The following PACRG variants were observed in gnomAD, a reference collection of about 807,000 sequenced individuals.
PACRG encodes parkin coregulated.
PACRG carries 29 observed loss-of-function variants against 29.7 expected under a neutral mutation model. The observed-to-expected ratio is 0.98, with a 90% CI of 0.73 to 1.33. The LOEUF (loss-of-function observed/expected upper bound fraction) is 1.33, where lower values mean the gene tolerates loss of function less well. Ranked by LOEUF, PACRG falls within the 40% of genes most tolerant of loss-of-function variation. The pLI, the probability that PACRG is intolerant of heterozygous loss-of-function variation, is 0.00. For synonymous variants in PACRG, 116 were observed against 118.7 expected (o/e 0.98, Z 0.15); for missense variants, 279 against 316.2 (o/e 0.88, Z 0.89).
intron 4 of PACRG, among the ~76,000 whole-genome samples, chr6:163,193,618 A>G (rs991614700): frequency 2.0e-5 from 3 of 152,142 alleles, no homozygotes; most frequent in South Asian, 2.1e-4. Context: ...ACGTGAACAC[A>G]TGGGATTTCT....
chr6:163,139,765 C>T (rs1393563317), intron 4 of PACRG, among the ~76,000 whole-genome samples: 2 of 152,204 alleles, frequency 1.3e-5, no homozygotes, highest in African/African-American at 2.4e-5. Flanking sequence ...CTTCTGCCCC[C>T]ACCTAATAGA....
chr6:163,213,133 A>T (rs1386746510), intron 4 of PACRG, among the ~76,000 whole-genome samples: 1 of 152,200 alleles, frequency 6.6e-6, no homozygotes, highest in Non-Finnish European at 1.5e-5. Context: ...GAAATGGACA[A>T]ATTAAAAGCA....
At chr6:163,078,036 C>G (rs985250660) in intron 3 of PACRG, among the ~76,000 whole-genome samples, 1 of 152,172 alleles carries the variant, frequency 6.6e-6, no homozygotes, top group South Asian at 2.1e-4. Context: ...GTCCCTTTCC[C>G]ACTCTCAAAT....
chr6:162,872,943 G>A (rs1276368509), intron 2 of PACRG, among the ~76,000 whole-genome samples: 1 of 151,944 alleles, frequency 6.6e-6, no homozygotes, highest in African/African-American at 2.4e-5. Context: ...ATATCACTAG[G>A]TATCAGAATC....
At chr6:162,891,567 G>A (rs923427559) in intron 2 of PACRG, among the ~76,000 whole-genome samples, 3 of 152,100 alleles carry the variant, frequency 2.0e-5, no homozygotes, top group African/African-American at 7.2e-5. Context: ...CCACCCAGTG[G>A]GCAGAACTCA....
At position 162,777,537 on chromosome 6, in the gene PACRG, G is replaced by A. The variant is rs1192008189; in HGVS notation, c.157-36610G>A. 6.6e-6 allele frequency among the ~76,000 whole-genome samples: 1 copy of A among 152,150 alleles called. No individual in the cohort carries two copies. Among genetic ancestry groups the A allele is most frequent in the Admixed American group, 6.5e-5 (1 of 15,286 alleles). Reference sequence around the variant, plus strand: ...TGGTGAGATGTTGGATTTGGTCATGGTGCTATTTATTGTTATTATTAATTA... The same window carrying A: ...TGGTGAGATGTTGGATTTGGTCATGATGCTATTTATTGTTATTATTAATTA... On this transcript the variant is annotated intron_variant, in intron 1 of 4. Transcript: ENST00000366888. This position sits in a 1 kb window ranked among gnomAD's most constrained non-coding sequence, Gnocchi z 4.0.
At chr6:163,173,866 G>A (rs769942860) in intron 4 of PACRG, among the ~76,000 whole-genome samples, 5 of 152,140 alleles carry the variant, frequency 3.3e-5, no homozygotes, top group Non-Finnish European at 5.9e-5. Flanking sequence ...ATAGCCAAAG[G>A]CATCGCTCTG....
intron 4 of PACRG, among the ~76,000 whole-genome samples, chr6:163,166,934 G>T (rs1452198444): frequency 1.3e-5 from 2 of 152,126 alleles, no homozygotes; most frequent in African/African-American, 2.4e-5. Flanking sequence ...TCCAAAGAAA[G>T]AATCATAGAT....
chr6:163,313,184 G>T (rs912075996), intron 4 of PACRG, among the ~76,000 whole-genome samples: 3 of 151,848 alleles, frequency 2.0e-5, no homozygotes, highest in African/African-American at 7.3e-5. Context: ...AGCTTTACCT[G>T]TGACAGCACA....
intron 1 of PACRG, among the ~76,000 whole-genome samples, chr6:162,769,255 G>T (rs1360795464): frequency 1.3e-5 from 2 of 151,996 alleles, no homozygotes; most frequent in Non-Finnish European, 2.9e-5. Flanking sequence ...TCTAGACATA[G>T]CCAACTTTTC....
intron 4 of PACRG, among the ~76,000 whole-genome samples, chr6:163,235,374 C>A (rs1173326753): frequency 6.6e-6 from 1 of 152,200 alleles, no homozygotes; most frequent in Non-Finnish European, 1.5e-5. Context: ...TCAATTTCCC[C>A]ATTGTACGTA....
At chr6:163,257,464 C>G (rs972489618) in intron 4 of PACRG, among the ~76,000 whole-genome samples, 1 of 152,156 alleles carries the variant, frequency 6.6e-6, no homozygotes, top group Non-Finnish European at 1.5e-5. Context: ...ACAGAAGGAG[C>G]CGTTATTCAG....
Position 162,747,458 on chromosome 6 carries a change from AAATATATATGTAAAAC to A in PACRG, c.156+19068_156+19083del, listed in dbSNP as rs1225359046. 3.0e-4 allele frequency among the ~76,000 whole-genome samples: 29 copies of A among 97,232 alleles called. 2 individuals carry two copies. Among genetic ancestry groups the A allele is most frequent in the African/African-American group, 1.2e-3 (24 of 19,732 alleles). 63.8% of individuals were successfully genotyped at this position (97,232 alleles called of 152,430 possible). A position where few individuals can be genotyped will look rare whatever the true frequency, so the allele number is the denominator to read the frequency against. ...TAAAACTATATATATATATAACTAT[AAATATATATGTAAAAC>A]TATATATATATATATATATTCCATT... On this transcript the variant is annotated intron_variant, in intron 1 of 4. Coordinates refer to ENST00000366888, the MANE Select transcript of PACRG (RefSeq NM_001080379.2).
intron 4 of PACRG, among the ~76,000 whole-genome samples, chr6:163,293,365 C>G (rs1784681319): frequency 6.6e-6 from 1 of 152,198 alleles, no homozygotes; most frequent in Admixed American, 6.5e-5. Flanking sequence ...AGGCCCAAAG[C>G]CAGCCCTTAG....
chr6:162,945,442 C>A (rs1199459382), intron 2 of PACRG, among the ~76,000 whole-genome samples: 2 of 151,968 alleles, frequency 1.3e-5, no homozygotes, highest in East Asian at 3.9e-4. Context: ...ATCAATTCAA[C>A]AAGAGGGGTA....
chr6:163,080,667 G>A (rs985158926), intron 3 of PACRG, among the ~76,000 whole-genome samples: 26 of 152,120 alleles, frequency 1.7e-4, no homozygotes, highest in African/African-American at 5.6e-4. Context: ...GGAGAGAATG[G>A]CCAAACACTT....
intron 2 of PACRG, among the ~76,000 whole-genome samples, chr6:163,039,052 G>A (rs1808458183): frequency 6.6e-6 from 1 of 152,168 alleles, no homozygotes; most frequent in Non-Finnish European, 1.5e-5. Context: ...TGTGTCGAGG[G>A]AGGGACCTGG....
intron 2 of PACRG, among the ~76,000 whole-genome samples, chr6:162,965,649 A>G (rs749168769): frequency 1.3e-5 from 2 of 152,220 alleles, no homozygotes; most frequent in African/African-American, 2.4e-5. Flanking sequence ...AAGGAACACA[A>G]TCATTCAGAC....
rs576490699 is a variant in PACRG, at chr6:162,903,130, C to T, written c.291+88849C>T. On this transcript the variant is annotated intron_variant, in intron 2 of 4. Coordinates refer to ENST00000366888, the MANE Select transcript of PACRG (RefSeq NM_001080379.2). ...AGCTAGGTCCTGATAAAATTGGAAT[C>T]AGATTAAGGTGAATTTTTCTCCCAT... Among the ~76,000 whole-genome samples the T allele has an allele frequency of 3.3e-5, 5 of 152,168 alleles. No individual in the cohort carries two copies. The East Asian group carries it at 9.7e-4, about 29-fold the overall frequency.
Sources: gnomAD v4.1 joint callset for allele counts (sites outside exome capture counted in the v4.1 genomes callset) on GRCh38, gnomAD v4.1.1 for gene constraint, Gnocchi (gnomAD v3.1) non-coding constraint, MANE v1.5 for transcripts, NCBI Gene and HGNC (gene_info 2026-07-23, HGNC 2026-07-21) for gene names.